Variants in MAPKAPK2 observed in about 807,000 individuals in gnomAD.
MAPKAPK2 encodes MAP kinase-activated protein kinase 2.
In MAPKAPK2, 9 loss-of-function variants were observed where a neutral mutation model predicts 48.8. The observed-to-expected ratio is 0.18, with a 90% CI of 0.11 to 0.32. The LOEUF is 0.32. Ranked by LOEUF, MAPKAPK2 falls within the 10% of genes least tolerant of loss-of-function variation. The pLI, the probability that MAPKAPK2 is intolerant of heterozygous loss-of-function variation, is 1.00. For synonymous variants in MAPKAPK2, 202 were observed against 190.6 expected (o/e 1.06, Z -0.49); for missense variants, 331 against 498.3 (o/e 0.66, Z 3.20).
rs1553426248 is a variant in MAPKAPK2, at chr1:206,691,502, T to TATATATATATATATATATATAC, written c.279+5997_279+5998insTATATATATATATATATACATA. 3.4e-3 allele frequency among the ~76,000 whole-genome samples: 446 copies of TATATATATATATATATATATAC among 132,576 alleles called. 5 individuals carry two copies. Among genetic ancestry groups the TATATATATATATATATATATAC allele is most frequent in the African/African-American group, 0.012 (425 of 34,268 alleles). The allele number at this position is 132,576 out of a possible 152,430, so 87.0% of individuals were successfully genotyped here. On this transcript the variant is annotated intron_variant, in intron 1 of 9. Transcript: ENST00000367103. Reference sequence around the variant, plus strand: ...TTTAAGATATATATATATATATATATATACACACATACACAGATATAGATA... The same window carrying TATATATATATATATATATATAC: ...TTTAAGATATATATATATATATATATATATATATATATATATATATACATACACACATACACAGATATAGATA...
intron 1 of MAPKAPK2, among the ~76,000 whole-genome samples, chr1:206,711,310 C>T (rs6676599): frequency 0.21 from 32,131 of 152,074 alleles, 3,733 homozygotes; most frequent in African/African-American, 0.29. Flanking sequence ...AGCGCAGTGG[C>T]GCTATCTCAG....
At chr1:206,729,372 C>T (rs374138993) in intron 3 of MAPKAPK2, 24 bp from the exon 4 acceptor site, 1 of 1,587,808 alleles carries the variant, frequency 6.3e-7, no homozygotes, top group Non-Finnish European at 8.6e-7. Flanking sequence ...TTCTTTCCCA[C>T]TCACTCTTCC....
chr1:206,726,026 C>T (rs1473136136), intron 1 of MAPKAPK2, among the ~76,000 whole-genome samples: 2 of 152,160 alleles, frequency 1.3e-5, no homozygotes, highest in Non-Finnish European at 2.9e-5. Context: ...AGGAAATTGG[C>T]CAGTGCCTTC....
chr1:206,694,899 T>C (rs536190525), intron 1 of MAPKAPK2, among the ~76,000 whole-genome samples: 2 of 152,176 alleles, frequency 1.3e-5, no homozygotes, highest in Non-Finnish European at 2.9e-5. Flanking sequence ...AATGAGCATA[T>C]GTAGTAACCT....
chr1:206,690,405 A>G (rs549821228), intron 1 of MAPKAPK2, among the ~76,000 whole-genome samples: 1 of 152,360 alleles, frequency 6.6e-6, no homozygotes, highest in Middle Eastern at 3.4e-3. Flanking sequence ...ATCTCCAGCT[A>G]AGATACGGGA....
At chr1:206,699,996 C>G (rs755809224) in intron 1 of MAPKAPK2, among the ~76,000 whole-genome samples, 58 of 145,284 alleles carry the variant, frequency 4.0e-4, no homozygotes, top group Non-Finnish European at 7.8e-4. Context: ...TTTCTTTCTT[C>G]TTCTTACTTT....
At chr1:206,697,465 A>C (rs1672668259) in intron 1 of MAPKAPK2, among the ~76,000 whole-genome samples, 1 of 152,120 alleles carries the variant, frequency 6.6e-6, no homozygotes, top group African/African-American at 2.4e-5. Flanking sequence ...TGAGGACCTC[A>C]GGAAGCTTTT....
chr1:206,723,869 G>A (rs984145527), intron 1 of MAPKAPK2, among the ~76,000 whole-genome samples: 2 of 152,212 alleles, frequency 1.3e-5, no homozygotes, highest in African/African-American at 4.8e-5. Context: ...CAGGCAATGC[G>A]CTCTGTGGCT....
chr1:206,727,273 A>G (rs535143817), intron 1 of MAPKAPK2, among the ~76,000 whole-genome samples: 3 of 152,342 alleles, frequency 2.0e-5, no homozygotes, highest in Admixed American at 6.5e-5. Flanking sequence ...GAAATATTTC[A>G]TTTAATCCTC....
intron 1 of MAPKAPK2, among the ~76,000 whole-genome samples, chr1:206,703,408 G>A (rs899666838): frequency 3.3e-4 from 50 of 152,222 alleles, no homozygotes; most frequent in Non-Finnish European, 2.9e-5. Flanking sequence ...CCTGGGTGGC[G>A]TATTGGCAGG....
At chr1:206,725,428 C>T (rs149639942) in intron 1 of MAPKAPK2, among the ~76,000 whole-genome samples, 152 of 152,186 alleles carry the variant, frequency 1.0e-3, no homozygotes, top group African/African-American at 3.2e-3. Flanking sequence ...TCAGTGGTGA[C>T]GGAGGAACCC....
At chr1:206,688,097 A>G (rs1672340306) in intron 1 of MAPKAPK2, among the ~76,000 whole-genome samples, 1 of 152,100 alleles carries the variant, frequency 6.6e-6, no homozygotes, top group Non-Finnish European at 1.5e-5. Context: ...TCCCATTTAA[A>G]TGCTTTTGGT....
At chr1:206,703,922 G>A (rs1019685845) in intron 1 of MAPKAPK2, among the ~76,000 whole-genome samples, 28 of 152,358 alleles carry the variant, frequency 1.8e-4, no homozygotes, top group Admixed American at 5.2e-4. Context: ...TTGTGAGGGC[G>A]GGGAGCTTGA....
intron 1 of MAPKAPK2, among the ~76,000 whole-genome samples, chr1:206,696,789 T>C (rs1672639563): frequency 6.6e-6 from 1 of 152,194 alleles, no homozygotes. Flanking sequence ...AACTGAGTAA[T>C]AGTGGATGCC....
At chr1:206,702,669 A>G (rs898482001) in intron 1 of MAPKAPK2, among the ~76,000 whole-genome samples, 7 of 152,370 alleles carry the variant, frequency 4.6e-5, no homozygotes, top group Non-Finnish European at 7.3e-5. Context: ...ATTTCTGTTT[A>G]GAGACCTTCA....
intron 1 of MAPKAPK2, among the ~76,000 whole-genome samples, chr1:206,699,967 TCTCTC>T (rs1553427637): frequency 1.3e-5 from 2 of 151,212 alleles, no homozygotes; most frequent in Admixed American, 1.3e-4. Flanking sequence ...TTTCTCTCTC[TCTCTC>T]TTCTTTTTTT....
chr1:206,722,913 C>T (rs1673574562), intron 1 of MAPKAPK2, among the ~76,000 whole-genome samples: 1 of 152,216 alleles, frequency 6.6e-6, no homozygotes, highest in Non-Finnish European at 1.5e-5. Context: ...GTGGCCCTGG[C>T]CTGGAGGCAC....
chr1:206,693,957 C>G (rs1351808372), intron 1 of MAPKAPK2, among the ~76,000 whole-genome samples: 1 of 152,190 alleles, frequency 6.6e-6, no homozygotes, highest in Non-Finnish European at 1.5e-5. Flanking sequence ...GTTTCTTCTA[C>G]CTCTTGACTG....
chr1:206,715,468 G>A (rs1216339179), intron 1 of MAPKAPK2, among the ~76,000 whole-genome samples: 5 of 152,006 alleles, frequency 3.3e-5, no homozygotes, highest in Non-Finnish European at 7.4e-5. Flanking sequence ...CCTCCTCCTG[G>A]TTTCTTCTTT....
Sources: allele counts gnomAD v4.1 joint callset (sites outside exome capture counted in the v4.1 genomes callset), GRCh38; gene constraint gnomAD v4.1.1; transcripts MANE v1.5; gene names NCBI Gene and HGNC (gene_info 2026-07-23, HGNC 2026-07-21).